Variants in POM121 observed in about 807,000 individuals in gnomAD.
The protein encoded by POM121 is POM121 transmembrane nucleoporin.
A neutral mutation model predicts 81.3 loss-of-function variants in POM121; 32 were observed. That is an observed-to-expected ratio of 0.39 (90% confidence interval 0.30 to 0.53). The LOEUF is 0.53. Among genes scored for constraint, POM121 ranks in the 20% least tolerant of loss-of-function variants. The pLI, the probability that POM121 is intolerant of heterozygous loss-of-function variation, is 0.66. For synonymous variants in POM121, 514 were observed against 694.2 expected (o/e 0.74, Z 4.08); for missense variants, 1,138 against 1,614.6 (o/e 0.70, Z 5.06).
chr7:72,904,793 G>C (rs1404874552), intron 3 of POM121, among the ~76,000 whole-genome samples: 1 of 152,160 alleles, frequency 6.6e-6, no homozygotes, highest in Admixed American at 6.5e-5. Flanking sequence ...GTTCCACTTG[G>C]CTGGGGAGGT....
intron 1 of POM121, among the ~76,000 whole-genome samples, chr7:72,885,834 C>T (rs1170064422): frequency 6.6e-6 from 1 of 150,664 alleles, no homozygotes; most frequent in Non-Finnish European, 1.5e-5. Flanking sequence ...GTCTCATCTT[C>T]TTTGTTTCTT....
At chr7:72,949,118 T>C (rs1309885834), downstream of POM121, 1 of 1,555,016 alleles carries the variant, frequency 6.4e-7, no homozygotes, top group African/African-American at 1.4e-5. Context: ...GAAAAGCGTG[T>C]CTCGGTTACA....
intron 4 of POM121, among the ~76,000 whole-genome samples, chr7:72,928,922 A>G (rs1222199209): frequency 2.6e-5 from 4 of 152,218 alleles, no homozygotes; most frequent in African/African-American, 9.6e-5. Flanking sequence ...CCGCCAGGAA[A>G]GCTAAAGTGC....
chr7:72,943,334 A>C lies in POM121; in HGVS notation c.3341A>C (p.Asn1114Thr). 6.2e-7 allele frequency: 1 copy of C among 1,607,536 alleles called. No homozygotes were observed. The highest frequency in any genetic ancestry group is 8.5e-7 in the Non-Finnish European group (1 of 1,177,298). ...GCTGGCAGTGGGAGCTTTGGGATCA[A>C]TGTGGCCACCCCAGGCTCCAGCACC... ...APAGSGSFGI[N>T]VATPGSSTTT... Residue 1114 changes from asparagine (N) to threonine (T), a missense_variant, in exon 11 of 13, where the codon AAT (asparagine) becomes ACT (threonine). By Grantham distance (65) the Asn-to-Thr change is moderately conservative. This residue lies in a region of POM121 where 336 missense variants were observed against 344.3 expected (regional missense o/e 0.98). Coordinates refer to ENST00000434423, the MANE Select transcript of POM121 (RefSeq NM_001387691.1).
intron 3 of POM121, among the ~76,000 whole-genome samples, chr7:72,898,331 C>T (rs543344259): frequency 3.3e-5 from 5 of 152,262 alleles, no homozygotes; most frequent in South Asian, 2.1e-4. Flanking sequence ...TGGGCTCAAG[C>T]GATCCTCCCG....
chr7:72,891,636 G>T (rs1486075364), intron 3 of POM121, among the ~76,000 whole-genome samples: 1 of 152,098 alleles, frequency 6.6e-6, no homozygotes, highest in Non-Finnish European at 1.5e-5. Context: ...TGAACTCCTG[G>T]TCTCAAGTGA....
intron 3 of POM121, among the ~76,000 whole-genome samples, chr7:72,898,915 G>A (rs1221306594): frequency 1.8e-4 from 27 of 151,300 alleles, no homozygotes; most frequent in Non-Finnish European, 1.0e-4. Context: ...TGGCGAGGGT[G>A]AGTTCTTTGA....
intron 5 of POM121, among the ~76,000 whole-genome samples, chr7:72,937,574 T>C (rs1796633738): frequency 6.6e-6 from 1 of 152,190 alleles, no homozygotes. Flanking sequence ...GCTTCCTCTT[T>C]TCCCTTTTTG....
intron 5 of POM121, among the ~76,000 whole-genome samples, chr7:72,936,328 A>G (rs1554499467): frequency 6.8e-6 from 1 of 148,000 alleles, no homozygotes; most frequent in African/African-American, 2.5e-5. Context: ...ACACCTGGCT[A>G]ATTTTTGTAT....
At chr7:72,944,868 C>T (rs1207717169) in intron 11 of POM121, among the ~76,000 whole-genome samples, 3 of 152,102 alleles carry the variant, frequency 2.0e-5, no homozygotes, top group Non-Finnish European at 4.4e-5. Context: ...GGCGAAGTCA[C>T]CGTGAGTGGT....
intron 11 of POM121, 146 bp from the exon 12 acceptor site, chr7:72,945,440 C>G: frequency 1.4e-6 from 1 of 704,982 alleles, no homozygotes; most frequent in African/African-American, 1.8e-5. Flanking sequence ...TTGTCTGGCT[C>G]AGCTGCTGAT....
chr7:72,892,593 T>C (rs376861818), intron 3 of POM121, among the ~76,000 whole-genome samples: 2 of 152,222 alleles, frequency 1.3e-5, no homozygotes, highest in East Asian at 1.9e-4. Flanking sequence ...GCATTTCACT[T>C]GCCGAGATAA....
In POM121 at chr7:72,939,346, C is replaced by A. The variant is rs1554500261; in HGVS notation, c.1378C>A (p.Leu460Met). 8.1e-6 allele frequency: 13 copies of A among 1,613,868 alleles called. No individual in the cohort carries two copies. The highest frequency in any genetic ancestry group is 7.6e-6 in the Non-Finnish European group (9 of 1,179,830). ...CTTTTTTCCTGACAGAGAAGAGGAG[C>A]TGTGTCATCATTCCAGTTCTTCAAC... ...RPAKKIREEE[L>M]CHHSSSSTPL... Residue 460 changes from leucine to methionine, a missense_variant, in exon 7 of 13, where the codon CTG becomes ATG. By Grantham distance (15) the Leu-to-Met change is conservative. Around this residue, in one of 7 missense-constraint regions of POM121, gnomAD observed 646 missense variants for 633.5 expected, o/e 1.02. Transcript: ENST00000434423.
chr7:72,944,764 G>T (rs1470632677), intron 11 of POM121, among the ~76,000 whole-genome samples: 4 of 151,954 alleles, frequency 2.6e-5, no homozygotes, highest in African/African-American at 9.7e-5. Context: ...TGTGGTGACA[G>T]TGTGGCTGCA....
intron 6 of POM121, 139 bp downstream of exon 6, chr7:72,938,820 A>G (rs1339549226): frequency 3.0e-6 from 3 of 1,004,722 alleles, no homozygotes; most frequent in Non-Finnish European, 4.6e-6. Flanking sequence ...TGAGAGGTAC[A>G]ATGCAGTACC....
intron 3 of POM121, among the ~76,000 whole-genome samples, chr7:72,898,346 G>A (rs1289458684): frequency 1.3e-5 from 2 of 152,120 alleles, no homozygotes; most frequent in East Asian, 1.9e-4. Flanking sequence ...CTCCCGTCTT[G>A]ACCTCCCAAA....
chr7:72,906,062 T>C (rs1554493381), intron 3 of POM121, among the ~76,000 whole-genome samples: 1 of 152,222 alleles, frequency 6.6e-6, no homozygotes, highest in African/African-American at 2.4e-5. Flanking sequence ...TTTTCCAAAC[T>C]ATTTTTGCAA....
At chr7:72,921,570 T>G (rs1554496010), upstream of POM121, among the ~76,000 whole-genome samples, 1 of 152,196 alleles carries the variant, frequency 6.6e-6, no homozygotes, top group Admixed American at 6.5e-5. Flanking sequence ...ACAAGTTTCC[T>G]TACACTTAGG....
upstream of POM121, chr7:72,925,081 A>T (rs1179305263): frequency 7.3e-7 from 1 of 1,379,110 alleles, no homozygotes; most frequent in Non-Finnish European, 9.3e-7. Flanking sequence ...GGCGCGGTGC[A>T]CGCTGGGATA....
Sources: gnomAD v4.1 joint callset for allele counts (sites outside exome capture counted in the v4.1 genomes callset) on GRCh38, gnomAD v4.1.1 for gene constraint, gnomAD v4.1.1 regional missense constraint, MANE v1.5 for transcripts, NCBI Gene and HGNC (gene_info 2026-07-23, HGNC 2026-07-21) for gene names.